Variants in B3GLCT observed in about 807,000 individuals in gnomAD.
B3GLCT encodes the protein beta-1,3-glucosyltransferase.
A neutral mutation model predicts 63.4 loss-of-function variants in B3GLCT; 65 were observed. That is an observed-to-expected ratio of 1.03 (90% confidence interval 0.84 to 1.26). B3GLCT has a LOEUF of 1.26. B3GLCT is among the 50% of genes most tolerant of loss of function. The pLI is 0.00. For missense variants in B3GLCT, 577 were observed against 604.8 expected (o/e 0.95, Z 0.48); for synonymous variants, 233 against 219.2 (o/e 1.06, Z -0.55).
At chr13:31,247,155 C>T (rs186910617) in intron 5 of B3GLCT, 56 bp downstream of exon 5, 328 of 1,337,524 alleles carry the variant, frequency 2.5e-4, no homozygotes, top group Non-Finnish European at 3.4e-4. Context: ...AACACTTTTA[C>T]GCCCTTAGTC....
At chr13:31,287,669 G>GA (rs78127082) in intron 12 of B3GLCT, among the ~76,000 whole-genome samples, 32,881 of 151,556 alleles carry the variant, frequency 0.22, 3,561 homozygotes, top group Non-Finnish European at 0.22. Flanking sequence ...ATACAGAAGT[G>GA]AAAAAAAATT....
intron 11 of B3GLCT, 60 bp from the exon 12 acceptor site, chr13:31,286,660 C>T: frequency 8.5e-7 from 1 of 1,172,572 alleles, no homozygotes; most frequent in South Asian, 1.4e-5. Context: ...AAGAAATGAA[C>T]AAATTCTATA....
chr13:31,222,312 G>A (rs938073910), intron 2 of B3GLCT, among the ~76,000 whole-genome samples: 1 of 151,956 alleles, frequency 6.6e-6, no homozygotes, highest in Admixed American at 6.6e-5. Flanking sequence ...TCCTGACCTT[G>A]TGATCCACCT....
At chr13:31,316,404 G>GTTTT (rs756984915) in intron 12 of B3GLCT, among the ~76,000 whole-genome samples, 1 of 41,710 alleles carries the variant, frequency 2.4e-5, no homozygotes, top group African/African-American at 7.6e-5. Flanking sequence ...GATTTTGGAG[G>GTTTT]TTTTATATAT....
intron 10 of B3GLCT, among the ~76,000 whole-genome samples, chr13:31,278,411 T>TA (rs1872899763): frequency 6.6e-6 from 1 of 152,216 alleles, no homozygotes; most frequent in Admixed American, 6.5e-5. Flanking sequence ...CAAAAGTCTT[T>TA]AAAAATTACA....
intron 12 of B3GLCT, among the ~76,000 whole-genome samples, chr13:31,296,870 C>T (rs1477261116): frequency 2.0e-5 from 3 of 151,982 alleles, no homozygotes; most frequent in African/African-American, 7.3e-5. Context: ...ATCTGCATAA[C>T]TCTTTTCATC....
At position 31,229,198 on chromosome 13, in the gene B3GLCT, T is replaced by C. The variant is rs1322999612; in HGVS notation, c.174T>C (p.Ile58=). The part of the protein sequence containing the change: ...SRKNDIDLKG[I]VFVIQSQSNS... ...TTTTTGTTCTAGACTTAAAAGGAAT[T>C]GTATTCGTCATCCAGAGTCAAAGTA... Residue 58 remains isoleucine, a synonymous_variant, in exon 4 of 15, where the codon ATT becomes ATC. Coordinates refer to ENST00000343307, the MANE Select transcript of B3GLCT (RefSeq NM_194318.4). 1 of 1,604,480 alleles carries C rather than the reference T, an allele frequency of 6.2e-7. No individual in the cohort carries two copies. Among genetic ancestry groups the C allele is most frequent in the African/African-American group, 1.3e-5 (1 of 74,742 alleles).
intron 12 of B3GLCT, among the ~76,000 whole-genome samples, chr13:31,297,258 T>C (rs938551681): frequency 6.6e-6 from 1 of 152,170 alleles, no homozygotes. Context: ...GGTAATTCTA[T>C]TTATAATGGA....
In B3GLCT at chr13:31,278,269, G is replaced by GA. The variant is rs140430867; in HGVS notation, c.850+1508dup. On this transcript the variant is annotated intron_variant, in intron 10 of 14. Coordinates refer to ENST00000343307, the MANE Select transcript of B3GLCT (RefSeq NM_194318.4). ...TGTATTTTTTATATTCTACAGAAAT[G>GA]AAAAAAAAAATAGTTTGTTAATTTT... Among the ~76,000 whole-genome samples the GA allele has an allele frequency of 5.7e-3, 839 of 147,892 alleles. 12 individuals carry two copies. Among genetic ancestry groups the GA allele is most frequent in the African/African-American group, 0.019 (770 of 40,388 alleles).
intron 12 of B3GLCT, among the ~76,000 whole-genome samples, chr13:31,316,852 C>T (rs1875062211): frequency 6.6e-6 from 1 of 152,118 alleles, no homozygotes; most frequent in African/African-American, 2.4e-5. Flanking sequence ...ATGACCAACT[C>T]ACGGATAGTC....
rs780553393 is a variant in B3GLCT at position 31,247,097 on chromosome 13, G to A, written c.345G>A (p.Pro115=). 3.7e-6 allele frequency: 6 copies of A among 1,611,538 alleles called. No individual in the cohort carries two copies. The highest frequency in any genetic ancestry group is 1.1e-5 in the South Asian group (1 of 91,030). The change falls in exon 5 of 15, where the codon CCG becomes CCA. Residue 115 remains proline (P), a splice_region_variant and synonymous_variant. Transcript: ENST00000343307. ...CATGGACCATACTTCCGTTGTTACC[G>A]CAGTACGTTTGTTTAACTCACCTGT... ...EGAWTILPLL[P]HFSVTYSRNS...
chr13:31,283,499 C>T (rs1284061923), intron 10 of B3GLCT, among the ~76,000 whole-genome samples: 1 of 152,000 alleles, frequency 6.6e-6, no homozygotes, highest in East Asian at 1.9e-4. Flanking sequence ...ACCTTTAGAA[C>T]TATCTGCTTT....
chr13:31,215,943 A>G (rs79756166), intron 2 of B3GLCT, among the ~76,000 whole-genome samples: 53 of 152,224 alleles, frequency 3.5e-4, no homozygotes, highest in African/African-American at 1.1e-3. Context: ...ACTTATCCCA[A>G]TCTCAGAGCT....
chr13:31,220,846 G>T (rs551359854), intron 2 of B3GLCT, among the ~76,000 whole-genome samples: 2 of 152,320 alleles, frequency 1.3e-5, no homozygotes, highest in East Asian at 3.9e-4. Context: ...AGTCCAGTTG[G>T]CTTTTCAGCT....
chr13:31,274,739 C>T (rs1249348554), intron 9 of B3GLCT, 111 bp downstream of exon 9: 3 of 1,385,922 alleles, frequency 2.2e-6, no homozygotes, highest in African/African-American at 1.4e-5. Flanking sequence ...CATTCATGTG[C>T]AAGTTGGTTA....
chr13:31,288,452 A>C (rs1281970902), intron 12 of B3GLCT, among the ~76,000 whole-genome samples: 1 of 152,220 alleles, frequency 6.6e-6, no homozygotes, highest in Non-Finnish European at 1.5e-5. Context: ...TCAGCCATTC[A>C]GAACTCTCTA....
intron 14 of B3GLCT, 129 bp downstream of exon 14, chr13:31,324,024 G>T: frequency 1.7e-6 from 2 of 1,207,842 alleles, no homozygotes; most frequent in Non-Finnish European, 2.4e-6. Flanking sequence ...GGCTCCAGGG[G>T]AATGTCCTTA....
intron 3 of B3GLCT, among the ~76,000 whole-genome samples, chr13:31,227,160 A>G (rs1262164175): frequency 6.6e-6 from 1 of 152,136 alleles, no homozygotes; most frequent in South Asian, 2.1e-4. Context: ...ATTCAAGTTA[A>G]TGTATCTTGT....
At chr13:31,313,899 G>A (rs1874855175) in intron 12 of B3GLCT, among the ~76,000 whole-genome samples, 2 of 152,166 alleles carry the variant, frequency 1.3e-5, no homozygotes, top group African/African-American at 4.8e-5. Context: ...GGGTCCCCAT[G>A]CTGTGTGCAG....
Sources: allele counts gnomAD v4.1 joint callset (sites outside exome capture counted in the v4.1 genomes callset), GRCh38; gene constraint gnomAD v4.1.1; transcripts MANE v1.5; gene names NCBI Gene and HGNC (gene_info 2026-07-23, HGNC 2026-07-21).